Variants in LMCD1 observed in about 807,000 individuals in gnomAD.
LMCD1 encodes LIM and cysteine-rich domains protein 1.
In LMCD1, 32 loss-of-function variants were observed where a neutral mutation model predicts 42.7. That is an observed-to-expected ratio of 0.75 (90% CI 0.57 to 1.01). The LOEUF (loss-of-function observed/expected upper bound fraction) is 1.01. Ranked by LOEUF, LMCD1 falls within the 50% of genes least tolerant of loss-of-function variation. The pLI, the probability that LMCD1 is intolerant of heterozygous loss-of-function variation, is 0.00. For synonymous variants in LMCD1, 178 were observed against 184.9 expected, an observed-to-expected ratio of 0.96 and a Z score of 0.30; for missense variants, 458 against 483.1, an observed-to-expected ratio of 0.95 and a Z score of 0.49.
chr3:8,567,416 C>A, intron 5 of LMCD1, 24 bp from the exon 6 acceptor site: 1 of 1,610,570 alleles, frequency 6.2e-7, no homozygotes, highest in Non-Finnish European at 8.5e-7. Flanking sequence ...CTGAGTCATG[C>A]ATTTCTCCTG....
intron 1 of LMCD1, among the ~76,000 whole-genome samples, chr3:8,505,696 T>G (rs1185915179): frequency 1.3e-5 from 2 of 152,234 alleles, no homozygotes; most frequent in East Asian, 1.9e-4. Flanking sequence ...TGATGGTACT[T>G]CTAAGTCCAT....
intron 4 of LMCD1, 47 bp from the exon 5 acceptor site, chr3:8,565,385 G>A: frequency 6.5e-7 from 1 of 1,537,216 alleles, no homozygotes; most frequent in Non-Finnish European, 9.0e-7. Context: ...ATGTCACTGT[G>A]CTCTCCTGAC....
chr3:8,546,978 G>A lies in LMCD1; in HGVS notation c.388-1590G>A, dbSNP rs1302894003. Among the ~76,000 whole-genome samples the A allele has an allele frequency of 2.0e-5, 3 of 152,266 alleles. No homozygotes were observed. In the East Asian group the frequency reaches 5.8e-4, roughly 29 times the overall value. Reference sequence around the variant, plus strand: ...TGGTGATAGAGGCAAACTAGTAAATGTAATTATTACCATTAATTGAAAGTC... The same window carrying A: ...TGGTGATAGAGGCAAACTAGTAAATATAATTATTACCATTAATTGAAAGTC... On this transcript the variant is annotated intron_variant, in intron 3 of 5. Coordinates refer to ENST00000157600, the MANE Select transcript of LMCD1 (RefSeq NM_014583.4).
chr3:8,563,345 G>C (rs899990538), intron 4 of LMCD1, among the ~76,000 whole-genome samples: 15 of 152,202 alleles, frequency 9.9e-5, no homozygotes, highest in African/African-American at 3.4e-4. Context: ...AGGCAAACAG[G>C]AACGGGAACA....
At chr3:8,546,031 G>GC (rs1694728904) in intron 3 of LMCD1, among the ~76,000 whole-genome samples, 1 of 152,186 alleles carries the variant, frequency 6.6e-6, no homozygotes, top group Non-Finnish European at 1.5e-5. Flanking sequence ...GGATTCTCCT[G>GC]CTGAGGCAGG....
At chr3:8,547,641 C>A (rs1694761611) in intron 3 of LMCD1, among the ~76,000 whole-genome samples, 1 of 152,054 alleles carries the variant, frequency 6.6e-6, no homozygotes, top group Non-Finnish European at 1.5e-5. Flanking sequence ...GCCTGTAATC[C>A]CAGCACTTTG....
chr3:8,541,804 C>T (rs1481949196), intron 3 of LMCD1, among the ~76,000 whole-genome samples: 1 of 152,112 alleles, frequency 6.6e-6, no homozygotes, highest in African/African-American at 2.4e-5. Flanking sequence ...TCATCCCCTT[C>T]CCAAGTCCGT....
At chr3:8,547,532 T>C (rs1201110862) in intron 3 of LMCD1, among the ~76,000 whole-genome samples, 2 of 152,206 alleles carry the variant, frequency 1.3e-5, no homozygotes, top group African/African-American at 2.4e-5. Context: ...ATACACCACT[T>C]AATGCTGGGG....
chr3:8,513,976 C>G (rs1694050338), intron 1 of LMCD1, among the ~76,000 whole-genome samples: 1 of 152,262 alleles, frequency 6.6e-6, no homozygotes, highest in African/African-American at 2.4e-5. Flanking sequence ...CAGCTAAGAG[C>G]TGACACCAAG....
intron 4 of LMCD1, among the ~76,000 whole-genome samples, chr3:8,555,952 G>A (rs529389573): frequency 4.8e-4 from 73 of 152,150 alleles, no homozygotes; most frequent in Admixed American, 1.2e-3. Flanking sequence ...ATAAACAGGC[G>A]GTGGGCTAGA....
At chr3:8,545,536 G>T (rs1173808540) in intron 3 of LMCD1, among the ~76,000 whole-genome samples, 3 of 152,178 alleles carry the variant, frequency 2.0e-5, no homozygotes, top group Non-Finnish European at 4.4e-5. Context: ...GAGAATCCCA[G>T]TTGTTTATCT....
At chr3:8,567,107 A>G (rs575969951) in intron 5 of LMCD1, among the ~76,000 whole-genome samples, 1 of 152,156 alleles carries the variant, frequency 6.6e-6, no homozygotes, top group African/African-American at 2.4e-5. Context: ...CAGTTTATCT[A>G]TCCTTAAGCT....
chr3:8,567,436 C>A lies in LMCD1; in HGVS notation c.940-4C>A. 1.2e-6 allele frequency: 2 copies of A among 1,613,490 alleles called. No homozygotes were observed. Among genetic ancestry groups the A allele is most frequent in the Non-Finnish European group, 8.5e-7 (1 of 1,179,628 alleles). Reference sequence around the variant, plus strand: ...TCATGCATTTCTCCTGCTCCCCTCCCCAGATAATATTCGCTGAGGACTACC... The same window carrying A: ...TCATGCATTTCTCCTGCTCCCCTCCACAGATAATATTCGCTGAGGACTACC... On this transcript the variant is annotated splice_region_variant and splice_polypyrimidine_tract_variant and intron_variant, in intron 5 of 5. Coordinates refer to ENST00000157600, the MANE Select transcript of LMCD1 (RefSeq NM_014583.4).
rs1032328097 is a variant in LMCD1 at position 8,537,202 on chromosome 3, G to A, written c.149G>A (p.Cys50Tyr). The A allele has an allele frequency of 1.2e-6, 2 of 1,613,958 alleles. No homozygotes were observed. The highest frequency in any genetic ancestry group is 1.7e-5 in the Admixed American group (1 of 60,014). ...PHSWRKICKSCKCSQEDHCLT... is the reference protein window; with the variant it reads ...PHSWRKICKSYKCSQEDHCLT... ...ACCCCCAGGAAAATATGCAAGTCTT[G>A]CAAATGCAGCCAAGAGGACCACTGC... Residue 50 changes from cysteine (C) to tyrosine (Y), a missense_variant, in exon 3 of 6, where the codon TGC (cysteine) becomes TAC (tyrosine). Cys to Tyr is a radical substitution (Grantham distance 194). Coordinates refer to ENST00000157600, the MANE Select transcript of LMCD1 (RefSeq NM_014583.4).
intron 4 of LMCD1, chr3:8,550,341 AC>A (rs2125033126): frequency 1.0e-6 from 1 of 994,194 alleles, no homozygotes; most frequent in South Asian, 4.5e-5. Context: ...AAGTCCCAGC[AC>A]ACGAGATCCC....
At chr3:8,562,682 C>A (rs1438295149) in intron 4 of LMCD1, among the ~76,000 whole-genome samples, 2 of 152,216 alleles carry the variant, frequency 1.3e-5, no homozygotes, top group Non-Finnish European at 2.9e-5. Context: ...CTATCCACCC[C>A]CAAAGTCACT....
At chr3:8,502,795 T>TGGG (rs1693789542) in intron 1 of LMCD1, among the ~76,000 whole-genome samples, 1 of 152,084 alleles carries the variant, frequency 6.6e-6, no homozygotes, top group South Asian at 2.1e-4. Flanking sequence ...ACTTGTTGCC[T>TGGG]ACCTGAATGC....
At position 8,537,303 on chromosome 3, in the gene LMCD1, C is replaced by A. The variant is rs761332410; in HGVS notation, c.250C>A (p.Arg84=). The A allele has an allele frequency of 1.2e-6, 2 of 1,614,076 alleles. No individual in the cohort carries two copies. Among genetic ancestry groups the A allele is most frequent in the Non-Finnish European group, 1.7e-6 (2 of 1,180,024 alleles). ...CTCCAAGTATTCCACCCTCACTGCT[C>A]GGGTGAAAGGCGGGGACGGCATCCG... ...MDSKYSTLTA[R]VKGGDGIRIY... Residue 84 remains arginine (R), a synonymous_variant, in exon 3 of 6, where the codon CGG becomes AGG. Coordinates refer to ENST00000157600, the MANE Select transcript of LMCD1 (RefSeq NM_014583.4).
rs145573193 is a variant in LMCD1 at position 8,533,918 on chromosome 3, G to A, written c.131+1093G>A. 3.7e-3 allele frequency among the ~76,000 whole-genome samples: 557 copies of A among 151,772 alleles called. 4 individuals are homozygous for A. Among genetic ancestry groups the A allele is most frequent in the African/African-American group, 0.013 (520 of 41,368 alleles). ...ACAGTTCCCAACCTCAGAGGAGCTC[G>A]CACCGTCTTCTGGTTGCTAGGGACC... On this transcript the variant is annotated intron_variant, in intron 2 of 5. Coordinates refer to ENST00000157600, the MANE Select transcript of LMCD1 (RefSeq NM_014583.4).
Sources: allele counts gnomAD v4.1 joint callset (sites outside exome capture counted in the v4.1 genomes callset), GRCh38; gene constraint gnomAD v4.1.1; transcripts MANE v1.5; gene names NCBI Gene and HGNC (gene_info 2026-07-23, HGNC 2026-07-21).